Variants in PCDHA8 observed in about 807,000 individuals in gnomAD.
PCDHA8 encodes protocadherin alpha 8.
In PCDHA8, 53 loss-of-function variants were observed where a neutral mutation model predicts 61.8. The observed-to-expected ratio is 0.86, with a 90% CI of 0.69 to 1.08. The LOEUF is 1.08. Among genes scored for constraint, PCDHA8 ranks in the 50% least tolerant of loss-of-function variants. PCDHA8 has a pLI of 0.00. For missense variants in PCDHA8, 1,293 were observed against 1,245.0 expected (o/e 1.04, Z -0.58); for synonymous variants, 618 against 556.6 (o/e 1.11, Z -1.55).
intron 3 of PCDHA8, among the ~76,000 whole-genome samples, chr5:140,999,986 G>A (rs2097887000): frequency 6.6e-6 from 1 of 151,990 alleles, no homozygotes; most frequent in African/African-American, 2.4e-5. Context: ...GCGGCCTCTG[G>A]GTAGTGGTAT....
intron 1 of PCDHA8, among the ~76,000 whole-genome samples, chr5:140,878,377 T>C (rs2057568265): frequency 6.6e-6 from 1 of 152,274 alleles, no homozygotes; most frequent in Non-Finnish European, 1.5e-5. Flanking sequence ...ATATGATGAA[T>C]GATTTTCTTC....
Position 140,969,016 on chromosome 5 carries a change from A to C in PCDHA8, c.2395-9933A>C. Reference sequence around the variant, plus strand: ...GTGGAGGCTTCTGTGGAGTAAGGGAAAGGTCCCCTGCAGAACTGTACAAAC... The same window carrying C: ...GTGGAGGCTTCTGTGGAGTAAGGGACAGGTCCCCTGCAGAACTGTACAAAC... On this transcript the variant is annotated intron_variant, in intron 1 of 3. Coordinates refer to ENST00000531613, the MANE Select transcript of PCDHA8 (RefSeq NM_018911.3). 6.2e-7 allele frequency: 1 copy of C among 1,614,172 alleles called. No homozygotes were observed. Among genetic ancestry groups the C allele is most frequent in the South Asian group, 1.1e-5 (1 of 91,072 alleles).
At chr5:140,985,083 G>A (rs782261438) in intron 3 of PCDHA8, among the ~76,000 whole-genome samples, 5 of 152,158 alleles carry the variant, frequency 3.3e-5, no homozygotes, top group East Asian at 1.9e-4. Context: ...GACTACAGGC[G>A]TGTGCCACCA....
chr5:140,995,284 G>A (rs1439846116), intron 3 of PCDHA8, among the ~76,000 whole-genome samples: 2 of 152,112 alleles, frequency 1.3e-5, no homozygotes, highest in African/African-American at 4.8e-5. Flanking sequence ...TACCAAAACA[G>A]CCAGTCGGAT....
chr5:140,992,226 G>A lies in PCDHA8; in HGVS notation c.2542+9663G>A, dbSNP rs926605843. On this transcript the variant is annotated intron_variant, in intron 3 of 3. Coordinates refer to ENST00000531613, the MANE Select transcript of PCDHA8 (RefSeq NM_018911.3). The stretch of plus-strand genomic sequence containing the variant: ...CAGATAAACTACTCTCCCTTCCTGG[G>A]AAGAGTAAGGAAGGAAGTAGAGCTA... Among the ~76,000 whole-genome samples the A allele has an allele frequency of 5.3e-5, 8 of 152,256 alleles. No individual in the cohort carries two copies. The East Asian group carries it at 1.5e-3, about 29-fold the overall frequency.
intron 1 of PCDHA8, chr5:140,929,861 G>C (rs2086430114): frequency 6.5e-6 from 1 of 153,628 alleles, no homozygotes; most frequent in Admixed American, 6.5e-5. Context: ...AGTCAGAGAA[G>C]GCTTTGTGAT....
chr5:140,877,458 G>C, intron 1 of PCDHA8: 1 of 1,613,814 alleles, frequency 6.2e-7, no homozygotes, highest in Non-Finnish European at 8.5e-7. Context: ...TGACGTCCAC[G>C]GCCACGGTGC....
intron 3 of PCDHA8, among the ~76,000 whole-genome samples, chr5:140,993,036 GTCA>G (rs1415732601): frequency 6.6e-6 from 1 of 152,182 alleles, no homozygotes; most frequent in Non-Finnish European, 1.5e-5. Flanking sequence ...GGCTCCGTGT[GTCA>G]TCAAGATGTC....
chr5:140,876,878 C>T (rs1305242755), intron 1 of PCDHA8: 1 of 1,614,118 alleles, frequency 6.2e-7, no homozygotes, highest in Admixed American at 1.7e-5. Context: ...GAGAACAACC[C>T]GCCGGGCTGC....
At chr5:140,947,147 C>A (rs1025959771) in intron 1 of PCDHA8, among the ~76,000 whole-genome samples, 1 of 151,270 alleles carries the variant, frequency 6.6e-6, no homozygotes, top group African/African-American at 2.4e-5. Flanking sequence ...TGTATAGTTA[C>A]TTCCACGGGG....
intron 3 of PCDHA8, among the ~76,000 whole-genome samples, chr5:141,008,972 C>T (rs1554261973): frequency 6.6e-6 from 1 of 152,148 alleles, no homozygotes; most frequent in African/African-American, 2.4e-5. Context: ...CATTTATAGC[C>T]AAAGTTTAAT....
intron 1 of PCDHA8, among the ~76,000 whole-genome samples, chr5:140,897,595 A>C (rs2066215346): frequency 6.6e-6 from 1 of 152,132 alleles, no homozygotes; most frequent in Admixed American, 6.5e-5. Context: ...TCATTGTTGG[A>C]CATTTGGGTT....
intron 1 of PCDHA8, chr5:140,884,505 G>A: frequency 6.2e-7 from 1 of 1,614,170 alleles, no homozygotes. Context: ...AGCGCGGCAG[G>A]GAGTTGGTCG....
intron 3 of PCDHA8, among the ~76,000 whole-genome samples, chr5:140,999,070 T>A (rs930538088): frequency 6.1e-4 from 93 of 152,328 alleles, no homozygotes; most frequent in African/African-American, 2.1e-3. Context: ...GTAGTCTCCT[T>A]CACTTCCTCC....
chr5:140,883,695 C>T, intron 1 of PCDHA8: 2 of 1,613,804 alleles, frequency 1.2e-6, no homozygotes, highest in Non-Finnish European at 1.7e-6. Context: ...CACATCTTCA[C>T]GGTGTCTGCT....
chr5:140,866,062 C>T (rs1312576527), intron 1 of PCDHA8: 2 of 152,092 alleles, frequency 1.3e-5, no homozygotes, highest in Non-Finnish European at 2.9e-5. Context: ...ATCAATGCCA[C>T]ACTGAGATAG....
At position 140,841,411 on chromosome 5, in the gene PCDHA8, G is replaced by C; in HGVS notation, c.90G>C (p.Gln30His). ...LLAAWKVGSG[Q>H]LHYSVPEEAK... is the part of the protein sequence containing the mutation. ...CAGCCTGGAAGGTGGGGAGCGGCCA[G>C]CTCCACTACTCCGTCCCCGAGGAGG... The change falls in exon 1 of 4, where the codon CAG (glutamine) becomes CAC (histidine). Residue 30 changes from glutamine to histidine, a missense_variant. Coordinates refer to ENST00000531613, the MANE Select transcript of PCDHA8 (RefSeq NM_018911.3). 1 of 1,613,088 alleles carries C rather than the reference G, an allele frequency of 6.2e-7. No individual in the cohort carries two copies. Among genetic ancestry groups the C allele is most frequent in the Non-Finnish European group, 8.5e-7 (1 of 1,179,856 alleles).
intron 3 of PCDHA8, among the ~76,000 whole-genome samples, chr5:141,003,441 AGAT>A (rs2098125025): frequency 6.6e-6 from 1 of 152,122 alleles, no homozygotes; most frequent in Non-Finnish European, 1.5e-5. Context: ...CCTCCCAAGT[AGAT>A]GAAATTACAG....
intron 1 of PCDHA8, chr5:140,927,592 G>T: frequency 6.2e-7 from 1 of 1,614,170 alleles, no homozygotes; most frequent in Admixed American, 1.7e-5. Context: ...GCCTGTATTT[G>T]AGCGCTCCGT....
Sources: gnomAD v4.1 joint callset for allele counts (sites outside exome capture counted in the v4.1 genomes callset) on GRCh38, gnomAD v4.1.1 for gene constraint, MANE v1.5 for transcripts, NCBI Gene and HGNC (gene_info 2026-07-23, HGNC 2026-07-21) for gene names.